Variants in NPAS3 observed in about 807,000 individuals in gnomAD.
NPAS3 encodes neuronal PAS domain protein 3, also known as neuronal PAS domain-containing protein 3.
NPAS3 carries 14 observed loss-of-function variants against 73.1 expected under a neutral mutation model. The observed-to-expected ratio is 0.19, with a 90% CI of 0.13 to 0.30. The LOEUF is 0.30. Ranked by LOEUF, NPAS3 falls within the 10% of genes least tolerant of loss-of-function variation. The pLI, the probability that NPAS3 is intolerant of heterozygous loss-of-function variation, is 1.00. For synonymous variants in NPAS3, 620 were observed against 541.5 expected (o/e 1.14, Z -2.01); for missense variants, 1,096 against 1,250.0 (o/e 0.88, Z 1.86).
intron 6 of NPAS3, among the ~76,000 whole-genome samples, chr14:33,719,598 CATT>C (rs1438376825): frequency 3.3e-5 from 5 of 152,112 alleles, no homozygotes; most frequent in African/African-American, 1.2e-4. Flanking sequence ...TATATCCACA[CATT>C]TAAAGAGAAA....
chr14:32,955,372 T>C (rs759326489), intron 1 of NPAS3, among the ~76,000 whole-genome samples: 1 of 152,140 alleles, frequency 6.6e-6, no homozygotes, highest in Non-Finnish European at 1.5e-5. Flanking sequence ...GGACTACTTA[T>C]GTAACTTACA....
intron 3 of NPAS3, among the ~76,000 whole-genome samples, chr14:33,260,725 C>T (rs1409403376): frequency 6.6e-6 from 1 of 152,118 alleles, no homozygotes; most frequent in Non-Finnish European, 1.5e-5. Flanking sequence ...AACCAAATAT[C>T]ATTCATCTAA....
At chr14:33,068,306 C>T (rs543124605) in intron 2 of NPAS3, among the ~76,000 whole-genome samples, 37 of 152,308 alleles carry the variant, frequency 2.4e-4, no homozygotes, top group African/African-American at 5.3e-4. Flanking sequence ...CATTTCTTAG[C>T]GCGAGTTCTG....
At chr14:33,355,077 A>C (rs1051567149) in intron 3 of NPAS3, among the ~76,000 whole-genome samples, 4 of 152,122 alleles carry the variant, frequency 2.6e-5, no homozygotes, top group African/African-American at 9.7e-5. Flanking sequence ...ACTGGGCCCA[A>C]CATGTCTTCT....
intron 1 of NPAS3, among the ~76,000 whole-genome samples, chr14:33,053,220 CATG>C (rs1272192215): frequency 2.6e-5 from 4 of 152,286 alleles, no homozygotes; most frequent in South Asian, 2.1e-4. Context: ...AATCCATTCT[CATG>C]ATAAGTTGCT....
chr14:33,551,598 A>T (rs1191616167), intron 4 of NPAS3, among the ~76,000 whole-genome samples: 1 of 152,222 alleles, frequency 6.6e-6, no homozygotes, highest in African/African-American at 2.4e-5. Context: ...CTACCAGAGA[A>T]GGGGGAAAAA....
In NPAS3 at chr14:33,478,419, A is replaced by G. The variant is rs139859550; in HGVS notation, c.469-81702A>G. 3.3e-3 allele frequency among the ~76,000 whole-genome samples: 506 copies of G among 152,304 alleles called. 5 individuals carry two copies. Among genetic ancestry groups the G allele is most frequent in the African/African-American group, 0.012 (490 of 41,572 alleles). ...AGTCACCAAAATGACAGGATTTACA[A>G]CCAACCATTCTTAGTCCCCAGAAGC... On this transcript the variant is annotated intron_variant, in intron 4 of 11. Coordinates refer to ENST00000356141, the Ensembl canonical transcript of NPAS3.
intron 3 of NPAS3, among the ~76,000 whole-genome samples, chr14:33,283,988 CTTTG>C (rs2041748507): frequency 6.6e-6 from 1 of 152,148 alleles, no homozygotes. Context: ...CTGTTTAATA[CTTTG>C]TTTATCTTCC....
chr14:33,273,597 A>G (rs2041197590), intron 3 of NPAS3, among the ~76,000 whole-genome samples: 1 of 152,200 alleles, frequency 6.6e-6, no homozygotes, highest in Non-Finnish European at 1.5e-5. Context: ...ACTCTGATTC[A>G]GAAACTAAAT....
intron 3 of NPAS3, among the ~76,000 whole-genome samples, chr14:33,240,006 T>G (rs2139823504): frequency 6.6e-6 from 1 of 152,018 alleles, no homozygotes. Context: ...GATGGTTGAT[T>G]GCTTAATGGT....
chr14:33,044,063 A>G (rs937883153), intron 1 of NPAS3, among the ~76,000 whole-genome samples: 1 of 152,212 alleles, frequency 6.6e-6, no homozygotes, highest in Non-Finnish European at 1.5e-5. Flanking sequence ...CAATGTTAGT[A>G]TCACTTGCAT....
chr14:33,585,536 G>T (rs570589640), intron 5 of NPAS3, among the ~76,000 whole-genome samples: 1 of 152,248 alleles, frequency 6.6e-6, no homozygotes, highest in East Asian at 1.9e-4. Flanking sequence ...CTTTTGGATT[G>T]AAATAACCTT....
At chr14:33,184,288 G>T (rs1310849226) in intron 2 of NPAS3, among the ~76,000 whole-genome samples, 1 of 152,146 alleles carries the variant, frequency 6.6e-6, no homozygotes, top group Non-Finnish European at 1.5e-5. Flanking sequence ...GGGGGAAGCG[G>T]CAGAGGGAGA....
intron 4 of NPAS3, among the ~76,000 whole-genome samples, chr14:33,477,124 T>G (rs2051075218): frequency 6.6e-6 from 1 of 151,592 alleles, no homozygotes; most frequent in Admixed American, 6.6e-5. Context: ...TTTTAGCCTT[T>G]TGTTGCCTTC....
At chr14:32,945,780 A>G (rs1313961865) in intron 1 of NPAS3, among the ~76,000 whole-genome samples, 1 of 152,204 alleles carries the variant, frequency 6.6e-6, no homozygotes, top group East Asian at 1.9e-4. Flanking sequence ...AGAAAGAATC[A>G]ATATTGAAAG....
intron 2 of NPAS3, among the ~76,000 whole-genome samples, chr14:33,166,738 T>G (rs146711800): frequency 3.3e-5 from 5 of 152,296 alleles, no homozygotes; most frequent in Admixed American, 1.3e-4. Context: ...GCAAATGGGA[T>G]GAGATGGTAC....
At chr14:33,224,767 C>G (rs964897385) in intron 3 of NPAS3, among the ~76,000 whole-genome samples, 1 of 151,968 alleles carries the variant, frequency 6.6e-6, no homozygotes, top group Non-Finnish European at 1.5e-5. Context: ...CATTTTAGAG[C>G]AAATGATAAC....
At chr14:33,007,208 G>A (rs1253202400) in intron 1 of NPAS3, among the ~76,000 whole-genome samples, 1 of 152,182 alleles carries the variant, frequency 6.6e-6, no homozygotes, top group African/African-American at 2.4e-5. Flanking sequence ...TGAGGACTGG[G>A]AGGGGTCTTA....
intron 2 of NPAS3, among the ~76,000 whole-genome samples, chr14:33,064,665 A>C (rs1595364563): frequency 6.6e-6 from 1 of 152,298 alleles, no homozygotes; most frequent in East Asian, 1.9e-4. Context: ...TTTTGAATAG[A>C]GATGCAGTAC....
Sources: gnomAD v4.1 joint callset for allele counts (sites outside exome capture counted in the v4.1 genomes callset) on GRCh38, gnomAD v4.1.1 for gene constraint, MANE v1.5 for transcripts, NCBI Gene and HGNC (gene_info 2026-07-23, HGNC 2026-07-21) for gene names.